ATP4A: variants seen among roughly 807,000 people sequenced by gnomAD.
ATP4A encodes potassium-transporting ATPase alpha chain 1.
A neutral mutation model predicts 112.1 loss-of-function variants in ATP4A; 73 were observed. The observed-to-expected ratio is 0.65, with a 90% CI of 0.54 to 0.79. The LOEUF (loss-of-function observed/expected upper bound fraction) is 0.79, where lower values mean the gene tolerates loss of function less well. ATP4A is among the 30% of genes least tolerant of loss of function. The pLI is 0.00. For synonymous variants in ATP4A, 588 were observed against 588.9 expected (o/e 1.00, Z 0.02); for missense variants, 1,081 against 1,425.9 (o/e 0.76, Z 3.90).
chr19:35,559,335 C>T lies in ATP4A; in HGVS notation c.1057-144G>A. The T allele has an allele frequency of 1.2e-6, 1 of 860,796 alleles. No individual in the cohort carries two copies. The highest frequency in any genetic ancestry group is 1.8e-6 in the Non-Finnish European group (1 of 555,288). The allele number at this position is 860,796 out of a possible 1,614,324, so 53.3% of individuals were successfully genotyped here. A position where few individuals can be genotyped will look rare whatever the true frequency, so the allele number is the denominator to read the frequency against. The stretch of plus-strand genomic sequence containing the variant: ...CTGCAAACACCAGGTGTTTTCTTGG[C>T]CCCAGCTTTTGTTCAGCCAGTGCTT... On this transcript the variant is annotated intron_variant, in intron 7 of 21. Coordinates refer to ENST00000262623, the MANE Select transcript of ATP4A (RefSeq NM_000704.3). The surrounding 1 kb of genome is among the most constrained non-coding windows in gnomAD (Gnocchi z 4.1).
chr19:35,563,154 C>T, intron 3 of ATP4A, 55 bp downstream of exon 3: 2 of 1,591,212 alleles, frequency 1.3e-6, no homozygotes, highest in Admixed American at 1.7e-5. Flanking sequence ...TTCCATCTCC[C>T]TCTCCCTCCC....
rs748995904 is a variant in ATP4A at position 35,557,834 on chromosome 19, G to T, written c.1514C>A (p.Thr505Lys). 4 of 1,504,084 alleles carry T rather than the reference G, an allele frequency of 2.7e-6. No homozygotes were observed. The Admixed American group carries it at 7.6e-5, about 29-fold the overall frequency. The allele number at this position is 1,504,084 out of a possible 1,614,324, so 93.2% of individuals were successfully genotyped here. Residue 505 changes from threonine to lysine, a missense_variant, in exon 11 of 22, where the codon ACG (threonine) becomes AAG (lysine). Physicochemically the swap from Thr to Lys is moderately conservative, Grantham distance 78 (BLOSUM62 -1). This residue lies in a region of ATP4A where 850 missense variants were observed against 1,068.2 expected (regional missense o/e 0.80). Transcript: ENST00000262623. This position sits in a 1 kb window ranked among gnomAD's most constrained non-coding sequence, Gnocchi z 4.4. Reference protein sequence around the residue: ...STNKFQLSIHTLEDPRDPRHL... With the variant: ...STNKFQLSIHKLEDPRDPRHL... ...TCGCGGGTCCCGCGGGTCCTCCAGC[G>T]TATGGATGGACAGCTGTGGGCGGGG... is the stretch of plus-strand genomic sequence containing the variant.
intron 4 of ATP4A, 98 bp downstream of exon 4, chr19:35,562,337 C>T (rs1210386223): frequency 7.2e-7 from 1 of 1,393,692 alleles, no homozygotes; most frequent in Non-Finnish European, 9.8e-7. Context: ...GTTCGTCTAT[C>T]CCCATCCTTC....
rs778682745 is a variant in ATP4A at position 35,560,004 on chromosome 19, G to A, written c.857C>T (p.Ser286Leu). The change falls in exon 7 of 22, where the codon TCG becomes TTG. Residue 286 changes from serine (S) to leucine (L), a missense_variant. Around this residue, in one of 3 missense-constraint regions of ATP4A, gnomAD observed 850 missense variants for 1,068.2 expected, o/e 0.80. Coordinates refer to ENST00000262623, the MANE Select transcript of ATP4A (RefSeq NM_000704.3). This position sits in a 1 kb window ranked among gnomAD's most constrained non-coding sequence, Gnocchi z 5.1. Reference protein sequence around the residue: ...TIIGRIASLASGVENEKTPIA... With the variant: ...TIIGRIASLALGVENEKTPIA... Reference sequence around the variant, plus strand: ...GGGTGTCTTCTCGTTTTCCACCCCCGACGCCAGCGATGCGATGCGCCCAAT... The same window carrying A: ...GGGTGTCTTCTCGTTTTCCACCCCCAACGCCAGCGATGCGATGCGCCCAAT... The A allele has an allele frequency of 3.1e-6, 5 of 1,614,226 alleles. No individual in the cohort carries two copies. Among genetic ancestry groups the A allele is most frequent in the South Asian group, 2.2e-5 (2 of 91,088 alleles).
Position 35,551,376 on chromosome 19 carries a change from A to G in ATP4A, c.2885+71T>C. 2 of 1,609,264 alleles carry G rather than the reference A, an allele frequency of 1.2e-6. No individual in the cohort carries two copies. Among genetic ancestry groups the G allele is most frequent in the Non-Finnish European group, 1.7e-6 (2 of 1,177,594 alleles). On this transcript the variant is annotated intron_variant, in intron 19 of 21. Transcript: ENST00000262623. This position sits in a 1 kb window ranked among gnomAD's most constrained non-coding sequence, Gnocchi z 5.2. ...CCGCTGGCATTTGCCGGCTGTTCTA[A>G]ACCACAGTCAGGATCTGATGGGAGT...
intron 4 of ATP4A, among the ~76,000 whole-genome samples, chr19:35,561,157 T>C (rs2071668674): frequency 6.6e-6 from 1 of 152,066 alleles, no homozygotes; most frequent in Admixed American, 6.6e-5. Flanking sequence ...TTTCTGTGTA[T>C]ATTTCATATC....
rs773824281 is a variant in ATP4A at position 35,562,572 on chromosome 19, G to T, written c.283C>A (p.Arg95=). Residue 95 remains arginine, a synonymous_variant, in exon 4 of 22, where the codon CGG becomes AGG. Transcript: ENST00000262623. ...RDGPNALRPP[R]GTPEYVKFAR... ...AACTTGACGTACTCTGGGGTGCCCC[G>T]TGGTGGCCGCAGTGCGTTGGGCCCA... The T allele has an allele frequency of 1.9e-6, 3 of 1,612,078 alleles. No individual in the cohort carries two copies. Among genetic ancestry groups the T allele is most frequent in the Middle Eastern group, 1.7e-4 (1 of 5,988 alleles).
In ATP4A at chr19:35,560,696, A is replaced by G; in HGVS notation, c.535-81T>C. ...GCATGTGGGGAGGTAAAGGATGAGG[A>G]GAGCTGGGACCCATGGGGAGAGATG... On this transcript the variant is annotated intron_variant, in intron 5 of 21. Transcript: ENST00000262623. The surrounding 1 kb of genome is among the most constrained non-coding windows in gnomAD (Gnocchi z 5.1). 1 of 1,589,134 alleles carries G rather than the reference A, an allele frequency of 6.3e-7. No individual in the cohort carries two copies.
At chr19:35,553,623 G>A in intron 17 of ATP4A, 83 bp downstream of exon 17, 1 of 1,553,488 alleles carries the variant, frequency 6.4e-7, no homozygotes, top group Non-Finnish European at 8.7e-7. Flanking sequence ...GAACCAGCCG[G>A]AGCCCAAGGC....
At position 35,563,544 on chromosome 19, in the gene ATP4A, TGGAG is replaced by T; in HGVS notation, c.13-21_13-18del. 6.2e-7 allele frequency: 1 copy of T among 1,613,880 alleles called. No individual in the cohort carries two copies. The stretch of plus-strand genomic sequence containing the variant: ...ATAGTTCTCCTGGGAATGGACAGGA[TGGAG>T]GGAGGGAGAACTCAGATTCCACTGC... On this transcript the variant is annotated intron_variant, in intron 1 of 21. Transcript: ENST00000262623.
In ATP4A at chr19:35,551,206, G is replaced by T; in HGVS notation, c.2886-95C>A. ...CAAAGTAGGTCAGATGTCAGCAGCA[G>T]CAGGGAGGTGTTCTACACACTGAAC... On this transcript the variant is annotated intron_variant, in intron 19 of 21. Coordinates refer to ENST00000262623, the MANE Select transcript of ATP4A (RefSeq NM_000704.3). This position sits in a 1 kb window ranked among gnomAD's most constrained non-coding sequence, Gnocchi z 5.2. 7.6e-7 allele frequency: 1 copy of T among 1,312,066 alleles called. No homozygotes were observed. Among genetic ancestry groups the T allele is most frequent in the Non-Finnish European group, 1.1e-6 (1 of 936,214 alleles). The allele number at this position is 1,312,066 out of a possible 1,614,324, so 81.3% of individuals were successfully genotyped here. A position where few individuals can be genotyped will look rare whatever the true frequency, so the allele number is the denominator to read the frequency against.
At position 35,558,246 on chromosome 19, in the gene ATP4A, G is replaced by C; in HGVS notation, c.1500+116C>G. 7.4e-7 allele frequency: 1 copy of C among 1,344,880 alleles called. No homozygotes were observed. The highest frequency in any genetic ancestry group is 9.9e-7 in the Non-Finnish European group (1 of 1,005,426). 83.3% of individuals were successfully genotyped at this position (1,344,880 alleles called of 1,614,324 possible). On this transcript the variant is annotated intron_variant, in intron 10 of 21. Coordinates refer to ENST00000262623, the MANE Select transcript of ATP4A (RefSeq NM_000704.3). This position sits in a 1 kb window ranked among gnomAD's most constrained non-coding sequence, Gnocchi z 5.1. ...CGGAGCGGGAGATGGGGTGGGGTTT[G>C]GCTGCGGAGAGAAGGGGCAAGGAGC...
Position 35,559,315 on chromosome 19 carries a change from A to G in ATP4A, c.1057-124T>C. 1 of 1,003,674 alleles carries G rather than the reference A, an allele frequency of 1.0e-6. No homozygotes were observed. The highest frequency in any genetic ancestry group is 1.5e-6 in the Non-Finnish European group (1 of 669,802). 62.2% of individuals were successfully genotyped at this position (1,003,674 alleles called of 1,614,324 possible). On this transcript the variant is annotated intron_variant, in intron 7 of 21. Transcript: ENST00000262623. This position sits in a 1 kb window ranked among gnomAD's most constrained non-coding sequence, Gnocchi z 4.1. ...GCTGCGTGTGCAACGTGCTTCTGCA[A>G]ACACCAGGTGTTTTCTTGGCCCCAG...
In ATP4A at chr19:35,550,129, G is replaced by C. The variant is rs1295348604; in HGVS notation, c.*486C>G. 5.0e-6 allele frequency: 1 copy of C among 198,956 alleles called. No homozygotes were observed. The highest frequency in any genetic ancestry group is 1.2e-4 in the East Asian group (1 of 8,080). The allele number at this position is 198,956 out of a possible 1,614,324, so 12.3% of individuals were successfully genotyped here. On this transcript the variant is annotated 3_prime_UTR_variant, in exon 22 of 22. Transcript: ENST00000262623. This position sits in a 1 kb window ranked among gnomAD's most constrained non-coding sequence, Gnocchi z 4.1. ...GCAGCCCTGGATAAACAGCCCCCAT[G>C]TACAGGACTGTGGGAGATCACAAGC...
Position 35,556,922 on chromosome 19 carries a change from T to G in ATP4A, c.1860A>C (p.Ala620=). The G allele has an allele frequency of 6.2e-7, 1 of 1,613,806 alleles. No homozygotes were observed. The highest frequency in any genetic ancestry group is 8.5e-7 in the Non-Finnish European group (1 of 1,179,730). The part of the protein sequence containing the change: ...VPDAVLKCRT[A]GIRVIMVTGD... ...CCCCACAGTGGCATACCCGGATGCC[T>G]GCGGTGCGACACTTGAGCACAGCAT... Residue 620 remains alanine, a synonymous_variant, in exon 12 of 22, where the codon GCA becomes GCC. Transcript: ENST00000262623.
rs751255943 is a variant in ATP4A at position 35,553,018 on chromosome 19, G to A, written c.2751+19C>T. 14 of 1,571,912 alleles carry A rather than the reference G, an allele frequency of 8.9e-6. 1 individual carries two copies. Among genetic ancestry groups the A allele is most frequent in the Non-Finnish European group, 4.3e-6 (5 of 1,151,086 alleles). Reference sequence around the variant, plus strand: ...GAAGGAGGGAGCCCAGGGATGGGATGGGGCGGGGCAGGGCTCACCCACTCC... The same window carrying A: ...GAAGGAGGGAGCCCAGGGATGGGATAGGGCGGGGCAGGGCTCACCCACTCC... On this transcript the variant is annotated intron_variant, in intron 18 of 21. Coordinates refer to ENST00000262623, the MANE Select transcript of ATP4A (RefSeq NM_000704.3).
Position 35,551,481 on chromosome 19 carries a change from G to A in ATP4A, c.2851C>T (p.Arg951Cys), listed in dbSNP as rs769093964. Reference protein sequence around the residue: ...QIADVLIRKTRRLSAFQQGFF... With the variant: ...QIADVLIRKTCRLSAFQQGFF... Reference sequence around the variant, plus strand: ...CCTTGCTGGAAGGCAGAGAGACGGCGCGTCTTGCGGATGAGGACATCGGCG... The same window carrying A: ...CCTTGCTGGAAGGCAGAGAGACGGCACGTCTTGCGGATGAGGACATCGGCG... Residue 951 changes from arginine to cysteine, a missense_variant, in exon 19 of 22, where the codon CGC becomes TGC. This residue lies in a region of ATP4A where 219 missense variants were observed against 320.9 expected (regional missense o/e 0.68). Transcript: ENST00000262623. This position sits in a 1 kb window ranked among gnomAD's most constrained non-coding sequence, Gnocchi z 5.2. 157 of 1,614,054 alleles carry A rather than the reference G, an allele frequency of 9.7e-5. No individual in the cohort carries two copies. The highest frequency in any genetic ancestry group is 1.3e-4 in the Non-Finnish European group (149 of 1,180,040).
In ATP4A at chr19:35,550,183, T is replaced by C. The variant is rs571786704; in HGVS notation, c.*432A>G. 2.2e-4 allele frequency: 52 copies of C among 237,686 alleles called. No individual in the cohort carries two copies. In the Middle Eastern group the frequency reaches 6.6e-3, roughly 30 times the overall value. 14.7% of individuals were successfully genotyped at this position (237,686 alleles called of 1,614,324 possible). On this transcript the variant is annotated 3_prime_UTR_variant, in exon 22 of 22. Coordinates refer to ENST00000262623, the MANE Select transcript of ATP4A (RefSeq NM_000704.3). This position sits in a 1 kb window ranked among gnomAD's most constrained non-coding sequence, Gnocchi z 4.1. The stretch of plus-strand genomic sequence containing the variant: ...AATGAGAGACGCTGAGGACAGTGCC[T>C]GGCACCAGATACAGCACAGTCAGCA...
In ATP4A at chr19:35,555,747, G is replaced by T. The variant is rs2071628128; in HGVS notation, c.1935C>A (p.Ile645=). ...CCTCCACTGTCTCGCTGCCTTCCGAGATGATGCCCACACTGGCTGCAATGG... is the reference window on the plus strand; with the variant it reads ...CCTCCACTGTCTCGCTGCCTTCCGATATGATGCCCACACTGGCTGCAATGG... ...AKAIAASVGI[I]SEGSETVEDI... The change falls in exon 13 of 22, where the codon ATC becomes ATA. Residue 645 remains isoleucine (I), a synonymous_variant. Transcript: ENST00000262623. The surrounding 1 kb of genome is among the most constrained non-coding windows in gnomAD (Gnocchi z 6.6). 5 of 1,613,758 alleles carry T rather than the reference G, an allele frequency of 3.1e-6. No homozygotes were observed. In the South Asian group the frequency reaches 5.5e-5, roughly 18 times the overall value.
Sources: gnomAD v4.1 joint callset for allele counts (sites outside exome capture counted in the v4.1 genomes callset) on GRCh38, gnomAD v4.1.1 for gene constraint, gnomAD v4.1.1 regional missense constraint, Gnocchi (gnomAD v3.1) non-coding constraint, MANE v1.5 for transcripts, NCBI Gene and HGNC (gene_info 2026-07-23, HGNC 2026-07-21) for gene names.